The following CHD6 variants were observed in gnomAD, a reference collection of about 807,000 sequenced individuals.
The protein encoded by CHD6 is ATP-dependent chromatin remodeler CHD6.
A neutral mutation model predicts 276.9 loss-of-function variants in CHD6; 50 were observed. That is an observed-to-expected ratio of 0.18 (90% CI 0.14 to 0.23). CHD6 has a LOEUF of 0.23. CHD6 is among the 10% of genes least tolerant of loss of function. CHD6 has a pLI of 1.00. For missense variants in CHD6, 2,564 were observed against 3,365.8 expected, an observed-to-expected ratio of 0.76 and a Z score of 5.89; for synonymous variants, 1,173 against 1,229.3, an observed-to-expected ratio of 0.95 and a Z score of 0.96.
At chr20:41,490,984 T>C (rs1039301430) in intron 11 of CHD6, among the ~76,000 whole-genome samples, 1 of 152,056 alleles carries the variant, frequency 6.6e-6, no homozygotes, top group Non-Finnish European at 1.5e-5. Flanking sequence ...GGTATACCTA[T>C]ACAGGGGACT....
At chr20:41,611,406 A>G (rs1311981665) in intron 1 of CHD6, among the ~76,000 whole-genome samples, 1 of 152,204 alleles carries the variant, frequency 6.6e-6, no homozygotes, top group African/African-American at 2.4e-5. Flanking sequence ...TACTAGCCAC[A>G]TCTTAAGGGC....
chr20:41,429,825 C>A (rs544840724), intron 27 of CHD6, among the ~76,000 whole-genome samples: 2 of 152,178 alleles, frequency 1.3e-5, no homozygotes, highest in Admixed American at 6.5e-5. Context: ...TGAACTCCCC[C>A]CTGACAGCCC....
At chr20:41,484,798 T>C (rs1156788931) in intron 14 of CHD6, among the ~76,000 whole-genome samples, 191 bp from the exon 15 acceptor site, 2 of 152,176 alleles carry the variant, frequency 1.3e-5, no homozygotes, top group African/African-American at 2.4e-5. Flanking sequence ...AGGGATATGA[T>C]TTTAATTCAC....
At chr20:41,612,052 A>C (rs2045892811) in intron 1 of CHD6, among the ~76,000 whole-genome samples, 1 of 152,256 alleles carries the variant, frequency 6.6e-6, no homozygotes, top group Non-Finnish European at 1.5e-5. Flanking sequence ...GACTTTCATA[A>C]AACACCAGAA....
chr20:41,477,444 T>C (rs187538978), intron 16 of CHD6, among the ~76,000 whole-genome samples: 2 of 152,124 alleles, frequency 1.3e-5, no homozygotes, highest in Admixed American at 6.5e-5. Flanking sequence ...TTCAATATAT[T>C]TGGAAATAAA....
At chr20:41,460,756 C>A (rs372001774) in intron 17 of CHD6, among the ~76,000 whole-genome samples, 1 of 152,184 alleles carries the variant, frequency 6.6e-6, no homozygotes, top group South Asian at 2.1e-4. Flanking sequence ...TAGAGCAGTG[C>A]GGAAGGGAAA....
intron 1 of CHD6, among the ~76,000 whole-genome samples, chr20:41,585,092 A>C (rs2045579687): frequency 6.6e-6 from 1 of 152,250 alleles, no homozygotes. Context: ...AGGAGACATC[A>C]TGAGGTATAC....
chr20:41,438,039 A>C (rs2047772333), intron 26 of CHD6, among the ~76,000 whole-genome samples: 3 of 152,196 alleles, frequency 2.0e-5, no homozygotes, highest in African/African-American at 7.2e-5. Context: ...AACACACTCT[A>C]GAAACTGAAG....
intron 2 of CHD6, among the ~76,000 whole-genome samples, chr20:41,535,793 T>C (rs1167162327): frequency 6.6e-6 from 1 of 152,050 alleles, no homozygotes; most frequent in Non-Finnish European, 1.5e-5. Context: ...TTGAGCCCAG[T>C]AGTTTGAAGT....
At chr20:41,544,805 C>T (rs1275846162) in intron 2 of CHD6, among the ~76,000 whole-genome samples, 4 of 150,868 alleles carry the variant, frequency 2.7e-5, no homozygotes, top group African/African-American at 4.9e-5. Context: ...AGTAATATTA[C>T]TATATCATAG....
chr20:41,416,774 G>A lies in CHD6; in HGVS notation c.6300C>T (p.Arg2100=), dbSNP rs779662405. 3 of 1,593,812 alleles carry A rather than the reference G, an allele frequency of 1.9e-6. No individual in the cohort carries two copies. Among genetic ancestry groups the A allele is most frequent in the East Asian group, 2.3e-5 (1 of 44,308 alleles). ...EWPKDRVIIN[R]LDNICHVVLK... is the part of the protein sequence containing the mutation. ...ACACCACGTGGCAGATATTATCTAGGCGGTTAATTATCACGCGGTCCTAGA... is the reference window on the plus strand; with the variant it reads ...ACACCACGTGGCAGATATTATCTAGACGGTTAATTATCACGCGGTCCTAGA... The change falls in exon 33 of 37, where the codon CGC becomes CGT. Residue 2100 remains arginine, a synonymous_variant. Coordinates refer to ENST00000373233, the MANE Select transcript of CHD6 (RefSeq NM_032221.5).
chr20:41,536,815 T>C (rs1402101394), intron 2 of CHD6, among the ~76,000 whole-genome samples: 1 of 152,218 alleles, frequency 6.6e-6, no homozygotes, highest in African/African-American at 2.4e-5. Context: ...TCATTGCCTA[T>C]AAGCTGCTTC....
chr20:41,540,198 C>T (rs2044914593), intron 2 of CHD6, among the ~76,000 whole-genome samples: 1 of 151,912 alleles, frequency 6.6e-6, no homozygotes, highest in Non-Finnish European at 1.5e-5. Flanking sequence ...CCTGTGGTTA[C>T]TGAATGAAAG....
chr20:41,410,308 G>A (rs981533988), intron 36 of CHD6, among the ~76,000 whole-genome samples: 5 of 152,144 alleles, frequency 3.3e-5, no homozygotes, highest in African/African-American at 1.2e-4. Flanking sequence ...TCCTCCATGC[G>A]AGGGCACAGT....
intron 3 of CHD6, among the ~76,000 whole-genome samples, chr20:41,521,814 AAAT>A (rs2044405265): frequency 6.6e-6 from 1 of 152,192 alleles, no homozygotes; most frequent in Non-Finnish European, 1.5e-5. Context: ...GTGTTTAGAA[AAAT>A]AAACATGGCA....
intron 23 of CHD6, among the ~76,000 whole-genome samples, chr20:41,448,387 A>G (rs2048133605): frequency 6.6e-6 from 1 of 152,238 alleles, no homozygotes; most frequent in South Asian, 2.1e-4. Flanking sequence ...ATAAATGAAT[A>G]AAGGCAAGTG....
intron 2 of CHD6, among the ~76,000 whole-genome samples, chr20:41,542,135 C>T (rs1408194127): frequency 6.6e-6 from 1 of 152,210 alleles, no homozygotes; most frequent in Non-Finnish European, 1.5e-5. Context: ...ATTTCCTAAT[C>T]TGCCTAAGTG....
chr20:41,571,551 T>C (rs572569970), intron 1 of CHD6, among the ~76,000 whole-genome samples: 3 of 152,102 alleles, frequency 2.0e-5, no homozygotes, highest in Admixed American at 6.5e-5. Context: ...CCAACACACC[T>C]GGCCAATTTT....
chr20:41,449,027 G>A (rs2048156623), intron 23 of CHD6, among the ~76,000 whole-genome samples: 1 of 151,558 alleles, frequency 6.6e-6, no homozygotes, highest in African/African-American at 2.4e-5. Context: ...TCAGCCTCCC[G>A]AGTAGCTGGG....
Sources: allele counts gnomAD v4.1 joint callset (sites outside exome capture counted in the v4.1 genomes callset), GRCh38; gene constraint gnomAD v4.1.1; transcripts MANE v1.5; gene names NCBI Gene and HGNC (gene_info 2026-07-23, HGNC 2026-07-21).